MCF2L: variants seen among roughly 807,000 people sequenced by gnomAD.
MCF2L encodes MCF.2 cell line derived transforming sequence like, also known as guanine nucleotide exchange factor DBS.
MCF2L carries 97 observed loss-of-function variants against 153.4 expected under a neutral mutation model. The ratio of observed to expected loss-of-function variants is 0.63; its 90% CI spans 0.54 to 0.75. MCF2L has a LOEUF of 0.75. Ranked by LOEUF, MCF2L falls within the 30% of genes least tolerant of loss-of-function variation. MCF2L has a pLI of 0.00. For missense variants in MCF2L, 1,347 were observed against 1,495.2 expected, an observed-to-expected ratio of 0.90 and a Z score of 1.64; for synonymous variants, 659 against 632.2, an observed-to-expected ratio of 1.04 and a Z score of -0.64.
chr13:112,938,381 C>T (rs1211342633), intron 2 of MCF2L, among the ~76,000 whole-genome samples: 2 of 151,864 alleles, frequency 1.3e-5, no homozygotes, highest in East Asian at 1.9e-4. Flanking sequence ...ACTGGAGGTG[C>T]GAGTTCTGGG....
upstream of MCF2L, among the ~76,000 whole-genome samples, chr13:112,968,149 G>GGT (rs1019845190): frequency 7.5e-5 from 11 of 146,248 alleles, 2 homozygotes; most frequent in Admixed American, 1.3e-4. Flanking sequence ...AGGTGGGGGG[G>GGT]GGGGTCTTGC....
intron 13 of MCF2L, 45 bp from the exon 14 acceptor site, chr13:113,078,318 A>G: frequency 1.4e-6 from 2 of 1,474,840 alleles, no homozygotes; most frequent in Middle Eastern, 1.7e-4. Flanking sequence ...CCCTCTCCAG[A>G]GGGTCAGAGG....
intron 3 of MCF2L, among the ~76,000 whole-genome samples, chr13:113,040,074 C>A (rs1401018634): frequency 1.3e-5 from 2 of 152,168 alleles, no homozygotes; most frequent in Admixed American, 1.3e-4. Flanking sequence ...AACAGACACC[C>A]TACTGCAACA....
At chr13:113,058,754 T>TGGGCGCG (rs1566819092) in intron 4 of MCF2L, among the ~76,000 whole-genome samples, 1 of 49,660 alleles carries the variant, frequency 2.0e-5, no homozygotes, top group African/African-American at 9.9e-5. Context: ...GGGCGCTGTG[T>TGGGCGCG]GTTTGGGGGC....
rs551752127 is a variant in MCF2L, at chr13:112,998,690, C to T, written c.80-16073C>T. Among the ~76,000 whole-genome samples the T allele has an allele frequency of 1.6e-4, 24 of 152,266 alleles. No individual in the cohort carries two copies. In the South Asian group the frequency reaches 3.5e-3, roughly 22 times the overall value. ...GCGCTCCCGATCCCAGGTGTGGGGT[C>T]GATTCTGTCTTGCGCCGATTGGAGG... is the stretch of plus-strand genomic sequence containing the variant. On this transcript the variant is annotated intron_variant, in intron 1 of 29. Coordinates refer to ENST00000535094, the MANE Select transcript of MCF2L (RefSeq NM_001112732.3).
chr13:113,045,252 C>T lies in MCF2L; in HGVS notation c.279-19C>T, dbSNP rs373156361. The T allele has an allele frequency of 2.1e-5, 33 of 1,600,906 alleles. No homozygotes were observed. The highest frequency in any genetic ancestry group is 2.0e-4 in the African/African-American group (15 of 74,838). On this transcript the variant is annotated intron_variant, in intron 3 of 29. Coordinates refer to ENST00000535094, the MANE Select transcript of MCF2L (RefSeq NM_001112732.3). The surrounding 1 kb of genome is among the most constrained non-coding windows in gnomAD (Gnocchi z 4.2). Reference sequence around the variant, plus strand: ...TCCCACCTGCACACATTAACGGCGGCGTCTCTTCCTCACTGCAGCCTGCAG... The same window carrying T: ...TCCCACCTGCACACATTAACGGCGGTGTCTCTTCCTCACTGCAGCCTGCAG...
At chr13:113,007,478 C>T (rs2083783260) in intron 1 of MCF2L, among the ~76,000 whole-genome samples, 1 of 152,154 alleles carries the variant, frequency 6.6e-6, no homozygotes, top group African/African-American at 2.4e-5. Context: ...CACCGTGAGG[C>T]GGAGAAAGAG....
At chr13:113,080,827 C>T (rs942435053) in intron 15 of MCF2L, among the ~76,000 whole-genome samples, 3 of 152,332 alleles carry the variant, frequency 2.0e-5, no homozygotes, top group East Asian at 1.9e-4. Flanking sequence ...AGAAGAGACT[C>T]GGGTGGATTC....
rs2032008794 is a variant in MCF2L, at chr13:113,064,234, C to T, written c.490-70C>T. On this transcript the variant is annotated intron_variant, in intron 5 of 29. Transcript: ENST00000535094. This position sits in a 1 kb window ranked among gnomAD's most constrained non-coding sequence, Gnocchi z 6.0. ...CCTCTCTGTGCTGCTGGGTGTTCTG[C>T]TGATGGGGCAGCTCTTTTGGGAGCC... 18 of 1,153,956 alleles carry T rather than the reference C, an allele frequency of 1.6e-5. No individual in the cohort carries two copies. Among genetic ancestry groups the T allele is most frequent in the Non-Finnish European group, 2.3e-5 (18 of 766,940 alleles). The allele number at this position is 1,153,956 out of a possible 1,614,324, so 71.5% of individuals were successfully genotyped here.
At chr13:112,988,667 G>C (rs868700541) in intron 1 of MCF2L, among the ~76,000 whole-genome samples, 70 of 144,728 alleles carry the variant, frequency 4.8e-4, no homozygotes, top group Middle Eastern at 3.9e-3. Context: ...TACCATGCCC[G>C]AGTCCTCCCT....
intron 2 of MCF2L, among the ~76,000 whole-genome samples, chr13:112,914,027 C>A (rs908498564): frequency 6.6e-6 from 1 of 152,230 alleles, no homozygotes; most frequent in East Asian, 1.9e-4. Context: ...ATCCCCAGCC[C>A]CTTCTCCCCC....
chr13:112,912,800 CTG>C (rs1202104762), intron 2 of MCF2L, among the ~76,000 whole-genome samples: 3 of 148,000 alleles, frequency 2.0e-5, no homozygotes, highest in African/African-American at 5.2e-5. Flanking sequence ...TGGTGTATCT[CTG>C]TGTGTGTATG....
At chr13:113,091,038 G>A in intron 26 of MCF2L, 1 of 1,293,640 alleles carries the variant, frequency 7.7e-7, no homozygotes, top group South Asian at 1.3e-5. Context: ...TCCAGCACGA[G>A]CGCGGGTCAG....
chr13:113,002,397 TGGAG>T (rs2083435639), intron 1 of MCF2L, among the ~76,000 whole-genome samples: 2 of 152,260 alleles, frequency 1.3e-5, no homozygotes, highest in South Asian at 4.1e-4. Flanking sequence ...GTCTGGCTGG[TGGAG>T]GGGCTGCGGC....
At position 113,026,944 on chromosome 13, in the gene MCF2L, T is replaced by G. The variant is rs1027170326; in HGVS notation, c.278+2186T>G. On this transcript the variant is annotated intron_variant, in intron 3 of 29. Transcript: ENST00000535094. ...AGGGGTGCCGCGGGGGTCTCTCATCTGATGTGCTCGTCCCAGCCTCCAGGA... is the reference window on the plus strand; with the variant it reads ...AGGGGTGCCGCGGGGGTCTCTCATCGGATGTGCTCGTCCCAGCCTCCAGGA... 3.9e-6 allele frequency: 3 copies of G among 777,274 alleles called. No homozygotes were observed. The Admixed American group carries it at 5.1e-5, about 13-fold the overall frequency. 48.1% of individuals were successfully genotyped at this position (777,274 alleles called of 1,614,324 possible).
chr13:113,021,040 CTGTGTG>C (rs1178134862), intron 2 of MCF2L, among the ~76,000 whole-genome samples: 1 of 141,266 alleles, frequency 7.1e-6, no homozygotes, highest in Non-Finnish European at 1.6e-5. Flanking sequence ...GTGCGTGTAG[CTGTGTG>C]TGTATATCCA....
At chr13:113,077,672 C>T (rs1367825582) in intron 13 of MCF2L, among the ~76,000 whole-genome samples, 3 of 152,224 alleles carry the variant, frequency 2.0e-5, no homozygotes, top group Admixed American at 6.5e-5. Context: ...TGAAGAGCCA[C>T]GTCCGCGCAC....
intron 3 of MCF2L, among the ~76,000 whole-genome samples, chr13:113,034,940 C>T (rs1330749177): frequency 1.3e-5 from 2 of 152,014 alleles, no homozygotes; most frequent in East Asian, 1.9e-4. Context: ...AAGGCAGGCC[C>T]GCAGTCCCGG....
At chr13:112,911,589 C>G (rs2081233523) in intron 2 of MCF2L, among the ~76,000 whole-genome samples, 1 of 152,244 alleles carries the variant, frequency 6.6e-6, no homozygotes, top group South Asian at 2.1e-4. Flanking sequence ...TCACCCAAGC[C>G]CCTGCTGTGG....
Sources: gnomAD v4.1 joint callset for allele counts (sites outside exome capture counted in the v4.1 genomes callset) on GRCh38, gnomAD v4.1.1 for gene constraint, Gnocchi (gnomAD v3.1) non-coding constraint, MANE v1.5 for transcripts, NCBI Gene and HGNC (gene_info 2026-07-23, HGNC 2026-07-21) for gene names.